The following PACRG variants were observed in gnomAD, a reference collection of about 807,000 sequenced individuals.
The protein encoded by PACRG is parkin coregulated gene protein.
PACRG carries 29 observed loss-of-function variants against 29.7 expected under a neutral mutation model. The ratio of observed to expected loss-of-function variants is 0.98; its 90% CI spans 0.73 to 1.33. The LOEUF (loss-of-function observed/expected upper bound fraction) is 1.33, where lower values mean the gene tolerates loss of function less well. Ranked by LOEUF, PACRG falls within the 40% of genes most tolerant of loss-of-function variation. The pLI, the probability that PACRG is intolerant of heterozygous loss-of-function variation, is 0.00. For missense variants in PACRG, 279 were observed against 316.2 expected (o/e 0.88, Z 0.89); for synonymous variants, 116 against 118.7 (o/e 0.98, Z 0.15).
intron 2 of PACRG, among the ~76,000 whole-genome samples, chr6:162,846,264 C>T (rs1790369710): frequency 6.6e-6 from 1 of 152,172 alleles, no homozygotes; most frequent in African/African-American, 2.4e-5. Context: ...GGGAGCACAA[C>T]TTCACAGGAA....
At position 163,226,761 on chromosome 6, in the gene PACRG, T is replaced by C. The variant is rs563557101; in HGVS notation, c.614-88066T>C. ...CAGTGCCTGGGGAGAACCTGTTCTC[T>C]AGGAGGGTTGGGGCAGTACTCAGCA... On this transcript the variant is annotated intron_variant, in intron 4 of 4. Transcript: ENST00000366888. 2.3e-4 allele frequency among the ~76,000 whole-genome samples: 35 copies of C among 152,302 alleles called. No individual in the cohort carries two copies. The East Asian group carries it at 6.4e-3, about 28-fold the overall frequency.
chr6:163,184,161 A>C (rs1779804904), intron 4 of PACRG, among the ~76,000 whole-genome samples: 1 of 152,204 alleles, frequency 6.6e-6, no homozygotes, highest in South Asian at 2.1e-4. Flanking sequence ...AAAAGACAAA[A>C]ATCAATGTGC....
intron 4 of PACRG, among the ~76,000 whole-genome samples, chr6:163,123,897 T>G (rs1310922265): frequency 6.6e-6 from 1 of 152,316 alleles, no homozygotes; most frequent in East Asian, 1.9e-4. Flanking sequence ...CAGTGGACAA[T>G]TGGGTTGCTT....
In PACRG at chr6:162,731,925, C is replaced by T. The variant is rs544545403; in HGVS notation, c.156+3534C>T. Reference sequence around the variant, plus strand: ...AATCCCAGGAGGTTGGGCAGCATTCCCCATGAGGCAGGTGCAGGGGCATAG... The same window carrying T: ...AATCCCAGGAGGTTGGGCAGCATTCTCCATGAGGCAGGTGCAGGGGCATAG... On this transcript the variant is annotated intron_variant, in intron 1 of 4. Coordinates refer to ENST00000366888, the MANE Select transcript of PACRG (RefSeq NM_001080379.2). Among the ~76,000 whole-genome samples, 6 of 152,092 alleles carry T rather than the reference C, an allele frequency of 3.9e-5. No homozygotes were observed. The South Asian group carries it at 1.0e-3, about 26-fold the overall frequency.
At chr6:163,220,829 G>A (rs1781556876) in intron 4 of PACRG, among the ~76,000 whole-genome samples, 1 of 152,154 alleles carries the variant, frequency 6.6e-6, no homozygotes, top group Non-Finnish European at 1.5e-5. Flanking sequence ...ACCATCCTAA[G>A]AGCTTACCTG....
intron 2 of PACRG, among the ~76,000 whole-genome samples, chr6:162,955,271 C>G (rs1169157796): frequency 1.3e-5 from 2 of 149,762 alleles, no homozygotes; most frequent in Non-Finnish European, 1.5e-5. Flanking sequence ...GTTTTGAAAT[C>G]TATTTTTGTT....
At chr6:163,310,879 C>G (rs1231803471) in intron 4 of PACRG, 1 of 152,122 alleles carries the variant, frequency 6.6e-6, no homozygotes, top group African/African-American at 2.4e-5. Context: ...TACGGCTGTC[C>G]CTTCACAGCC....
intron 2 of PACRG, among the ~76,000 whole-genome samples, chr6:162,905,300 A>G (rs1368081059): frequency 6.6e-6 from 1 of 152,188 alleles, no homozygotes; most frequent in Non-Finnish European, 1.5e-5. Context: ...ATCTGTGTGA[A>G]TGGAGTGGGA....
At chr6:163,102,066 G>A (rs973654953) in intron 4 of PACRG, among the ~76,000 whole-genome samples, 13 of 152,220 alleles carry the variant, frequency 8.5e-5, no homozygotes, top group East Asian at 3.9e-4. Flanking sequence ...AGCCTCGCCC[G>A]GTGAACCTGA....
At chr6:163,129,531 C>T (rs955514961) in intron 4 of PACRG, among the ~76,000 whole-genome samples, 1 of 152,240 alleles carries the variant, frequency 6.6e-6, no homozygotes, top group Admixed American at 6.5e-5. Flanking sequence ...ACAGTGCCTA[C>T]ATTTCAATGT....
intron 4 of PACRG, among the ~76,000 whole-genome samples, chr6:163,122,454 C>T (rs889929922): frequency 1.3e-5 from 2 of 152,200 alleles, no homozygotes; most frequent in South Asian, 2.1e-4. Flanking sequence ...AGATCCCTCG[C>T]GAATGGCTTG....
At chr6:163,144,841 C>A (rs768732105) in intron 4 of PACRG, among the ~76,000 whole-genome samples, 6 of 152,120 alleles carry the variant, frequency 3.9e-5, no homozygotes, top group African/African-American at 7.2e-5. Context: ...GAGCTCCAGG[C>A]AGTAACATCA....
chr6:162,802,658 A>G (rs1174870181), intron 1 of PACRG, among the ~76,000 whole-genome samples: 1 of 152,094 alleles, frequency 6.6e-6, no homozygotes, highest in Non-Finnish European at 1.5e-5. Context: ...ATCCTTCTTC[A>G]TATTTCTCAC....
At chr6:162,749,198 G>C (rs1781326832) in intron 1 of PACRG, among the ~76,000 whole-genome samples, 1 of 152,176 alleles carries the variant, frequency 6.6e-6, no homozygotes, top group Non-Finnish European at 1.5e-5. Flanking sequence ...TCCAGTGCAT[G>C]ATTGTTAAAA....
At chr6:163,254,295 G>A (rs896312656) in intron 4 of PACRG, among the ~76,000 whole-genome samples, 40 of 152,174 alleles carry the variant, frequency 2.6e-4, no homozygotes, top group African/African-American at 9.4e-4. Flanking sequence ...ATATGCGCCT[G>A]AAAGAGAAAT....
chr6:163,165,753 A>C, intron 4 of PACRG: 1 of 249,252 alleles, frequency 4.0e-6, no homozygotes, highest in Non-Finnish European at 8.0e-6. Flanking sequence ...GGAGGGAGGG[A>C]GCCTGGCAGA....
chr6:163,140,033 T>C (rs138929607), intron 4 of PACRG, among the ~76,000 whole-genome samples: 1 of 152,264 alleles, frequency 6.6e-6, no homozygotes, highest in Admixed American at 6.5e-5. Context: ...CTTTCCCCAG[T>C]CAACCCAGCC....
chr6:162,871,447 A>G lies in PACRG; in HGVS notation c.291+57166A>G, dbSNP rs1474874805. ...TGTTTAGCACTATACAAACTATAGCAATAATTTAAGATCTGCCATAGTGGC... is the reference window on the plus strand; with the variant it reads ...TGTTTAGCACTATACAAACTATAGCGATAATTTAAGATCTGCCATAGTGGC... On this transcript the variant is annotated intron_variant, in intron 2 of 4. Transcript: ENST00000366888. Among the ~76,000 whole-genome samples, 4 of 152,226 alleles carry G rather than the reference A, an allele frequency of 2.6e-5. No homozygotes were observed. The East Asian group carries it at 7.7e-4, about 29-fold the overall frequency.
chr6:163,020,696 G>GA (rs1806528265), intron 2 of PACRG, among the ~76,000 whole-genome samples: 1 of 152,032 alleles, frequency 6.6e-6, no homozygotes, highest in African/African-American at 2.4e-5. Context: ...AGATCACCGA[G>GA]AAAATCTTTT....
Sources: allele counts gnomAD v4.1 joint callset (sites outside exome capture counted in the v4.1 genomes callset), GRCh38; gene constraint gnomAD v4.1.1; transcripts MANE v1.5; gene names NCBI Gene and HGNC (gene_info 2026-07-23, HGNC 2026-07-21).